Variants in GRIA2 observed in about 807,000 individuals in gnomAD.
GRIA2 encodes glutamate receptor 2.
A neutral mutation model predicts 97.3 loss-of-function variants in GRIA2; 14 were observed. The ratio of observed to expected loss-of-function variants is 0.14; its 90% confidence interval spans 0.10 to 0.23. GRIA2 has a LOEUF of 0.23. GRIA2 is among the 10% of genes least tolerant of loss of function. GRIA2 has a pLI of 1.00. For synonymous variants in GRIA2, 412 were observed against 387.8 expected, an observed-to-expected ratio of 1.06 and a Z score of -0.73; for missense variants, 558 against 1,069.8, an observed-to-expected ratio of 0.52 and a Z score of 6.67.
At chr4:157,316,472 C>A (rs1240284451) in intron 4 of GRIA2, among the ~76,000 whole-genome samples, 1 of 151,994 alleles carries the variant, frequency 6.6e-6, no homozygotes, top group Non-Finnish European at 1.5e-5. Flanking sequence ...GACTTTGTAT[C>A]CGATTAGAGA....
intron 2 of GRIA2, among the ~76,000 whole-genome samples, chr4:157,299,355 A>G (rs920023706): frequency 1.3e-5 from 2 of 152,102 alleles, no homozygotes; most frequent in Admixed American, 1.3e-4. Context: ...TGATGTCAGA[A>G]TTCCTTGGTG....
intron 2 of GRIA2, among the ~76,000 whole-genome samples, chr4:157,227,011 A>G (rs1729778275): frequency 6.6e-6 from 1 of 152,218 alleles, no homozygotes; most frequent in African/African-American, 2.4e-5. Context: ...AAGAATTTCA[A>G]GAAAATGAGT....
chr4:157,265,555 A>G (rs779288856), intron 2 of GRIA2, among the ~76,000 whole-genome samples: 1 of 152,124 alleles, frequency 6.6e-6, no homozygotes, highest in Non-Finnish European at 1.5e-5. Flanking sequence ...TTTAAAGACT[A>G]GGCCAGGGGC....
At chr4:157,229,266 T>C (rs1273850686) in intron 2 of GRIA2, among the ~76,000 whole-genome samples, 2 of 152,248 alleles carry the variant, frequency 1.3e-5, no homozygotes, top group African/African-American at 2.4e-5. Context: ...TTCTAACGAT[T>C]TTGTTTTGTC....
chr4:157,352,569 A>T (rs1490416571), intron 12 of GRIA2, among the ~76,000 whole-genome samples: 1 of 151,902 alleles, frequency 6.6e-6, no homozygotes, highest in Non-Finnish European at 1.5e-5. Flanking sequence ...TACAAAAAAT[A>T]AATAGCCGGG....
intron 12 of GRIA2, among the ~76,000 whole-genome samples, chr4:157,347,493 T>G (rs887461690): frequency 6.6e-6 from 1 of 152,218 alleles, no homozygotes; most frequent in Admixed American, 6.5e-5. Flanking sequence ...AAGGAAAGGT[T>G]AAAACAATAC....
intron 3 of GRIA2, among the ~76,000 whole-genome samples, chr4:157,309,349 G>GTTTT (rs747461041): frequency 3.1e-5 from 4 of 130,702 alleles, no homozygotes; most frequent in African/African-American, 1.1e-4. Flanking sequence ...AAATTTCTTG[G>GTTTT]TTTTTTTTTT....
At chr4:157,250,096 A>C (rs1324585489) in intron 2 of GRIA2, among the ~76,000 whole-genome samples, 1 of 152,144 alleles carries the variant, frequency 6.6e-6, no homozygotes, top group South Asian at 2.1e-4. Flanking sequence ...GTCGCATTCT[A>C]TAAATCAAAA....
intron 2 of GRIA2, among the ~76,000 whole-genome samples, chr4:157,245,849 G>T (rs529115282): frequency 5.9e-4 from 90 of 152,082 alleles, no homozygotes; most frequent in African/African-American, 2.1e-3. Flanking sequence ...TCTATGCTTC[G>T]TCAGCATGGC....
chr4:157,256,678 C>A (rs954028534), intron 2 of GRIA2, among the ~76,000 whole-genome samples: 6 of 151,902 alleles, frequency 3.9e-5, no homozygotes, highest in Non-Finnish European at 7.4e-5. Flanking sequence ...TGCATCTAGT[C>A]CACACTTCCA....
intron 2 of GRIA2, among the ~76,000 whole-genome samples, chr4:157,230,609 C>T (rs575252774): frequency 2.7e-5 from 4 of 150,658 alleles, no homozygotes; most frequent in Non-Finnish European, 5.9e-5. Flanking sequence ...TTCCTTCCCT[C>T]CATCCATCCC....
chr4:157,250,233 A>G (rs2126739677), intron 2 of GRIA2, among the ~76,000 whole-genome samples: 1 of 152,256 alleles, frequency 6.6e-6, no homozygotes, highest in East Asian at 1.9e-4. Flanking sequence ...GTAAGAGTAG[A>G]AACACAAAGC....
chr4:157,260,506 A>G (rs1731482478), intron 2 of GRIA2, among the ~76,000 whole-genome samples: 1 of 152,048 alleles, frequency 6.6e-6, no homozygotes, highest in Non-Finnish European at 1.5e-5. Context: ...TCCTAGCACC[A>G]TGAACGAGGA....
intron 2 of GRIA2, among the ~76,000 whole-genome samples, chr4:157,248,806 ATATATAT>A (rs1561009818): frequency 8.1e-5 from 11 of 136,188 alleles, no homozygotes; most frequent in South Asian, 2.3e-4. Context: ...ATATATATAT[ATATATAT>A]AAATAAAATA....
chr4:157,354,290 G>C (rs1274302521), intron 12 of GRIA2, among the ~76,000 whole-genome samples: 1 of 152,156 alleles, frequency 6.6e-6, no homozygotes, highest in Non-Finnish European at 1.5e-5. Flanking sequence ...TGAATAAGAA[G>C]TAGTAAGTCA....
intron 2 of GRIA2, among the ~76,000 whole-genome samples, chr4:157,277,425 A>C (rs986802342): frequency 6.6e-6 from 1 of 151,902 alleles, no homozygotes; most frequent in Admixed American, 6.6e-5. Flanking sequence ...AGCTAATGCC[A>C]TACTTATTGT....
At chr4:157,360,923 A>G in intron 13 of GRIA2, 87 bp from the exon 14 acceptor site, 2 of 954,898 alleles carry the variant, frequency 2.1e-6, no homozygotes, top group Non-Finnish European at 3.3e-6. Flanking sequence ...TTGCCACAGA[A>G]GCCAAAGAAA....
At chr4:157,301,831 G>T (rs532555746) in intron 2 of GRIA2, among the ~76,000 whole-genome samples, 2 of 152,048 alleles carry the variant, frequency 1.3e-5, no homozygotes, top group African/African-American at 4.8e-5. Context: ...TCCAGTTTTT[G>T]GATTGAAATG....
chr4:157,326,490 C>A (rs546250571), intron 6 of GRIA2, among the ~76,000 whole-genome samples: 1 of 152,164 alleles, frequency 6.6e-6, no homozygotes, highest in South Asian at 2.1e-4. Context: ...ATAGATACTT[C>A]CTGAATCAAC....
Sources: gnomAD v4.1 joint callset for allele counts (sites outside exome capture counted in the v4.1 genomes callset) on GRCh38, gnomAD v4.1.1 for gene constraint, MANE v1.5 for transcripts, NCBI Gene and HGNC (gene_info 2026-07-23, HGNC 2026-07-21) for gene names.